The following MED13 variants were observed in gnomAD, a reference collection of about 807,000 sequenced individuals.
MED13 encodes mediator of RNA polymerase II transcription subunit 13.
MED13 carries 23 observed loss-of-function variants against 225.2 expected under a neutral mutation model. That is an observed-to-expected ratio of 0.10 (90% confidence interval 0.07 to 0.14). The LOEUF (loss-of-function observed/expected upper bound fraction) is 0.14. MED13 is among the 10% of genes least tolerant of loss of function. The probability of loss-of-function intolerance (pLI) is 1.00; values close to 1 mark genes in which losing one functional copy is unlikely to be tolerated. For missense variants in MED13, 2,197 were observed against 2,594.5 expected, an observed-to-expected ratio of 0.85 and a Z score of 3.33; for synonymous variants, 942 against 889.2, an observed-to-expected ratio of 1.06 and a Z score of -1.06.
rs2079933926 is a variant in MED13 at position 61,955,395 on chromosome 17, G to A, written c.5955C>T (p.Phe1985=). The A allele has an allele frequency of 6.5e-7, 1 of 1,548,990 alleles. No individual in the cohort carries two copies. Among genetic ancestry groups the A allele is most frequent in the African/African-American group, 1.4e-5 (1 of 72,422 alleles). Residue 1985 remains phenylalanine (F), a synonymous_variant, in exon 26 of 30, where the codon TTC becomes TTT. Transcript: ENST00000397786. ...CAAATTACGTACCATTGTTGGGATTGAAAGCTAAATCCAAATTTTCAGTGG... is the reference window on the plus strand; with the variant it reads ...CAAATTACGTACCATTGTTGGGATTAAAAGCTAAATCCAAATTTTCAGTGG... ...TYTTENLDLA[F]NPNNDGADGM...
intron 9 of MED13, among the ~76,000 whole-genome samples, chr17:62,000,238 C>A (rs977099094): frequency 1.3e-5 from 2 of 152,098 alleles, no homozygotes; most frequent in African/African-American, 4.8e-5. Flanking sequence ...TTTCTCCTAC[C>A]GTAATTTTCT....
intron 3 of MED13, among the ~76,000 whole-genome samples, chr17:62,051,284 A>T (rs2080954435): frequency 6.6e-6 from 1 of 152,196 alleles, no homozygotes; most frequent in Non-Finnish European, 1.5e-5. Context: ...TCCTGCCTGG[A>T]ATCCACTGTG....
At chr17:61,991,984 T>A (rs2080303625) in intron 11 of MED13, among the ~76,000 whole-genome samples, 1 of 152,220 alleles carries the variant, frequency 6.6e-6, no homozygotes, top group African/African-American at 2.4e-5. Flanking sequence ...GAGACAGGTA[T>A]GAAGAGAACT....
intron 9 of MED13, among the ~76,000 whole-genome samples, chr17:61,998,072 C>T (rs1326041997): frequency 6.6e-6 from 1 of 152,116 alleles, no homozygotes; most frequent in African/African-American, 2.4e-5. Context: ...AATTCATTTA[C>T]ATTATACATT....
intron 3 of MED13, 98 bp from the exon 4 acceptor site, chr17:62,035,706 A>G: frequency 8.2e-7 from 1 of 1,216,586 alleles, no homozygotes; most frequent in Non-Finnish European, 1.1e-6. Flanking sequence ...TGCATACCCT[A>G]TTTTGCCCAA....
At chr17:62,052,090 C>T (rs901347202) in intron 3 of MED13, among the ~76,000 whole-genome samples, 2 of 152,016 alleles carry the variant, frequency 1.3e-5, no homozygotes. Flanking sequence ...ATTTAAATTA[C>T]TTTAATTAAA....
chr17:61,969,277 AG>A (rs1351358426), intron 17 of MED13, among the ~76,000 whole-genome samples: 1 of 152,070 alleles, frequency 6.6e-6, no homozygotes, highest in Admixed American at 6.6e-5. Context: ...GCTTGAACCC[AG>A]GGGGTGGAGG....
intron 27 of MED13, among the ~76,000 whole-genome samples, chr17:61,951,209 T>C (rs2079893710): frequency 6.6e-6 from 1 of 152,232 alleles, no homozygotes; most frequent in Admixed American, 6.5e-5. Flanking sequence ...GATTGCATGA[T>C]ATGCCAACTG....
In MED13 at chr17:62,041,932, A is replaced by C. The variant is rs2080856206; in HGVS notation, c.471-6324T>G. Among the ~76,000 whole-genome samples, 3 of 152,238 alleles carry C rather than the reference A, an allele frequency of 2.0e-5. No homozygotes were observed. The South Asian group carries it at 6.2e-4, about 32-fold the overall frequency. ...ATTATTTTTATTCCGTGAATTCAAAAGTTTCCAAACTTGTCTTACATTAGG... is the reference window on the plus strand; with the variant it reads ...ATTATTTTTATTCCGTGAATTCAAACGTTTCCAAACTTGTCTTACATTAGG... On this transcript the variant is annotated intron_variant, in intron 3 of 29. Coordinates refer to ENST00000397786, the MANE Select transcript of MED13 (RefSeq NM_005121.3).
At chr17:61,951,111 A>G (rs1362474991) in intron 27 of MED13, 113 bp from the exon 28 acceptor site, 2 of 751,890 alleles carry the variant, frequency 2.7e-6, no homozygotes, top group Admixed American at 3.4e-5. Context: ...CATCGATTTA[A>G]TAAAATACTG....
At chr17:62,064,275 G>A (rs555543441) in intron 1 of MED13, among the ~76,000 whole-genome samples, 3 of 152,180 alleles carry the variant, frequency 2.0e-5, no homozygotes, top group Non-Finnish European at 2.9e-5. Flanking sequence ...CAAGTTATTT[G>A]CAACAGTTGG....
chr17:61,954,326 C>A (rs1256283542), intron 26 of MED13, among the ~76,000 whole-genome samples: 1 of 151,986 alleles, frequency 6.6e-6, no homozygotes, highest in Non-Finnish European at 1.5e-5. Context: ...ATAAATTCAC[C>A]TGGAAAAGCT....
In MED13 at chr17:61,944,413, C is replaced by A. The variant is rs1460860087; in HGVS notation, c.*2055G>T. 6.7e-6 allele frequency: 1 copy of A among 148,950 alleles called. No individual in the cohort carries two copies. The allele number at this position is 148,950 out of a possible 1,614,324, so 9.2% of individuals were successfully genotyped here. On this transcript the variant is annotated 3_prime_UTR_variant, in exon 30 of 30. Coordinates refer to ENST00000397786, the MANE Select transcript of MED13 (RefSeq NM_005121.3). Reference sequence around the variant, plus strand: ...TAAAGAAAGTACAGAACAAAACATACCAACATAATGTGTGGTGTATTAGCA... The same window carrying A: ...TAAAGAAAGTACAGAACAAAACATAACAACATAATGTGTGGTGTATTAGCA...
chr17:62,025,208 A>C (rs1487689761), intron 8 of MED13, among the ~76,000 whole-genome samples: 1 of 152,166 alleles, frequency 6.6e-6, no homozygotes, highest in Admixed American at 6.6e-5. Context: ...CAACTATTCA[A>C]CTCTGCCATT....
intron 28 of MED13, among the ~76,000 whole-genome samples, chr17:61,949,890 G>T (rs971249526): frequency 5.3e-5 from 8 of 151,850 alleles, no homozygotes; most frequent in Non-Finnish European, 1.0e-4. Flanking sequence ...TCACCATGTT[G>T]GCCAGACTGG....
At chr17:61,954,190 A>C (rs1281219534) in intron 26 of MED13, among the ~76,000 whole-genome samples, 1 of 152,228 alleles carries the variant, frequency 6.6e-6, no homozygotes, top group Non-Finnish European at 1.5e-5. Context: ...TCGAGTTATT[A>C]TATAACACAC....
chr17:62,036,804 T>G (rs1298025477), intron 3 of MED13: 1 of 152,198 alleles, frequency 6.6e-6, no homozygotes, highest in East Asian at 1.9e-4. Context: ...TTTAAGCATG[T>G]TATTCAAGTT....
intron 3 of MED13, among the ~76,000 whole-genome samples, chr17:62,044,076 G>C (rs986661067): frequency 6.6e-6 from 1 of 151,866 alleles, no homozygotes; most frequent in Admixed American, 6.6e-5. Context: ...CGCTACTAAT[G>C]GTTAATAATA....
At chr17:62,030,398 G>A in intron 6 of MED13, 1 of 158,312 alleles carries the variant, frequency 6.3e-6, no homozygotes, top group Non-Finnish European at 1.4e-5. Flanking sequence ...CCAGAGGTGG[G>A]GAGACTGGAA....
Sources: gnomAD v4.1 joint callset for allele counts (sites outside exome capture counted in the v4.1 genomes callset) on GRCh38, gnomAD v4.1.1 for gene constraint, MANE v1.5 for transcripts, NCBI Gene and HGNC (gene_info 2026-07-23, HGNC 2026-07-21) for gene names.